The following MTCL2 variants were observed in gnomAD, a reference collection of about 807,000 sequenced individuals.
The protein encoded by MTCL2 is microtubule cross-linking factor 2.
At chr20:36,784,602 T>G in the MTCL2 span, 10 of 985,340 alleles carry the variant, frequency 1.0e-5, no homozygotes, top group Admixed American at 6.2e-5. Context: ...TATGTGTGTG[T>G]GGGGAGCATG....
chr20:36,835,841 ACACCCGCCTCCCCG>A, the MTCL2 span, among the ~76,000 whole-genome samples: 2 of 151,812 alleles, frequency 1.3e-5, no homozygotes, highest in Admixed American at 6.6e-5. Flanking sequence ...CCCGCTCCCC[ACACCCGCCTCCCCG>A]CCGCCGCCGC....
chr20:36,836,078 A>ACCCCCCACCC, the MTCL2 span, among the ~76,000 whole-genome samples: 1 of 18,470 alleles, frequency 5.4e-5, no homozygotes, highest in Admixed American at 7.0e-4. Flanking sequence ...TTCCCCCACC[A>ACCCCCCACCC]CCCCCCACCC....
At chr20:36,862,217 T>C in the MTCL2 span, among the ~76,000 whole-genome samples, 2 of 152,312 alleles carry the variant, frequency 1.3e-5, no homozygotes. Flanking sequence ...CGACTCAGGA[T>C]GGCATTCAGG....
chr20:36,852,076 G>A, the MTCL2 span, among the ~76,000 whole-genome samples: 1 of 152,266 alleles, frequency 6.6e-6, no homozygotes, highest in Non-Finnish European at 1.5e-5. Flanking sequence ...CCAGGTTCCA[G>A]GGGCCCAACA....
chr20:36,860,841 T>C, the MTCL2 span, among the ~76,000 whole-genome samples: 1 of 152,310 alleles, frequency 6.6e-6, no homozygotes, highest in South Asian at 2.1e-4. Context: ...ACTGAATGAA[T>C]GGTGGAAATT....
At chr20:36,849,950 G>T in the MTCL2 span, among the ~76,000 whole-genome samples, 1 of 152,120 alleles carries the variant, frequency 6.6e-6, no homozygotes, top group Non-Finnish European at 1.5e-5. Context: ...GGAGGACACG[G>T]AGAGAACCAA....
chr20:36,783,814 C>T, the MTCL2 span: 1 of 985,052 alleles, frequency 1.0e-6, no homozygotes, highest in Non-Finnish European at 1.2e-6. Context: ...CAAACCAATC[C>T]CCCCACCCCA....
At chr20:36,785,840 G>A in the MTCL2 span, 12 of 985,542 alleles carry the variant, frequency 1.2e-5, no homozygotes, top group Admixed American at 4.9e-4. Context: ...TCCAGGCTAT[G>A]GGCAGGGAGA....
chr20:36,802,016 T>C, the MTCL2 span, among the ~76,000 whole-genome samples: 1 of 152,078 alleles, frequency 6.6e-6, no homozygotes, highest in East Asian at 1.9e-4. Flanking sequence ...CCGGGCATGG[T>C]GGCTCACTCC....
chr20:36,831,335 C>G, the MTCL2 span, among the ~76,000 whole-genome samples: 23 of 152,346 alleles, frequency 1.5e-4, no homozygotes, highest in African/African-American at 4.8e-4. Flanking sequence ...GTGGGTTGAG[C>G]TGGGCTGGGA....
the MTCL2 span, chr20:36,784,413 G>A: frequency 2.0e-6 from 2 of 985,626 alleles, no homozygotes; most frequent in South Asian, 4.7e-5. Context: ...GATCCCGAAT[G>A]GGTGGGTCTG....
the MTCL2 span, chr20:36,812,652 C>A: frequency 6.3e-7 from 1 of 1,598,012 alleles, no homozygotes; most frequent in Non-Finnish European, 8.6e-7. Flanking sequence ...TTTGACAGGG[C>A]TCAGTCACTC....
the MTCL2 span, among the ~76,000 whole-genome samples, chr20:36,835,645 A>C: frequency 5.3e-5 from 8 of 152,070 alleles, no homozygotes; most frequent in Non-Finnish European, 7.4e-5. Flanking sequence ...ACCCCAGCAC[A>C]TGGGGCTCAG....
the MTCL2 span, chr20:36,793,302 C>T: frequency 1.3e-6 from 2 of 1,551,862 alleles, no homozygotes; most frequent in South Asian, 2.4e-5. The surrounding 1 kb of genome is among the most constrained non-coding windows in gnomAD (Gnocchi z 6.8). Flanking sequence ...CCATCCTTCC[C>T]CACCTGGGGG....
At chr20:36,816,419 A>G in the MTCL2 span, 2 of 912,638 alleles carry the variant, frequency 2.2e-6, no homozygotes, top group Non-Finnish European at 1.6e-6. Context: ...TGAATCAGAC[A>G]CAGCCAGACC....
At chr20:36,855,358 C>T in the MTCL2 span, among the ~76,000 whole-genome samples, 1 of 152,244 alleles carries the variant, frequency 6.6e-6, no homozygotes, top group African/African-American at 2.4e-5. Flanking sequence ...CTCCCAACCA[C>T]CCTGGACCTC....
At chr20:36,813,500 G>A in the MTCL2 span, among the ~76,000 whole-genome samples, 5 of 151,556 alleles carry the variant, frequency 3.3e-5, no homozygotes, top group Admixed American at 6.6e-5. Context: ...TTGGGAGGCC[G>A]AGGCAGGTGG....
chr20:36,817,220 T>C, the MTCL2 span, among the ~76,000 whole-genome samples: 1 of 146,816 alleles, frequency 6.8e-6, no homozygotes, highest in African/African-American at 2.5e-5. Context: ...TGAGCTGAGA[T>C]TGTGCCACTG....
At chr20:36,859,034 G>A in the MTCL2 span, among the ~76,000 whole-genome samples, 17 of 152,114 alleles carry the variant, frequency 1.1e-4, no homozygotes, top group Non-Finnish European at 2.4e-4. Flanking sequence ...TAGGTGATCC[G>A]CCCGCCTTGG....
Sources: allele counts gnomAD v4.1 joint callset (sites outside exome capture counted in the v4.1 genomes callset), GRCh38; gene constraint gnomAD v4.1.1; non-coding constraint Gnocchi (gnomAD v3.1); transcripts MANE v1.5; gene names NCBI Gene and HGNC (gene_info 2026-07-23, HGNC 2026-07-21).